CHIC1: variants seen among roughly 807,000 people sequenced by gnomAD.
CHIC1 encodes cysteine rich hydrophobic domain 1.
A neutral mutation model predicts 18.5 loss-of-function variants in CHIC1; 7 were observed. That is an observed-to-expected ratio of 0.38 (90% CI 0.22 to 0.71). The LOEUF is 0.71. Ranked by LOEUF, CHIC1 falls within the 30% of genes least tolerant of loss-of-function variation. The probability of loss-of-function intolerance (pLI) is 0.49; values close to 1 mark genes in which losing one functional copy is unlikely to be tolerated. For missense variants in CHIC1, 159 were observed against 176.9 expected (o/e 0.90, Z 0.57); for synonymous variants, 77 against 73.5 (o/e 1.05, Z -0.25).
chrX:73,623,114 A>G (rs985847179), intron 3 of CHIC1, among the ~76,000 whole-genome samples: 4 of 111,513 alleles, frequency 3.6e-5, no homozygotes, highest in African/African-American at 6.5e-5. Context: ...TATGTGGTCA[A>G]TTTTAGCATA....
chrX:73,653,730 T>C (rs2057929098), intron 3 of CHIC1, among the ~76,000 whole-genome samples: 2 of 112,604 alleles, frequency 1.8e-5, no homozygotes, highest in Admixed American at 1.9e-4. Context: ...GTGCCCTTTT[T>C]AATTTCTTTC....
chrX:73,677,987 G>T (rs2058077478), intron 3 of CHIC1, among the ~76,000 whole-genome samples: 1 of 99,872 alleles, frequency 1.0e-5, no homozygotes, highest in South Asian at 4.3e-4. Context: ...TCCTTTTGGA[G>T]GTTGTTTTTT....
intron 3 of CHIC1, among the ~76,000 whole-genome samples, chrX:73,588,366 T>C (rs754511526): frequency 9.0e-6 from 1 of 111,317 alleles, no homozygotes; most frequent in East Asian, 2.8e-4. Context: ...ATGTACTCTT[T>C]CATGGCTTTT....
chrX:73,667,013 G>C (rs1217324382), intron 3 of CHIC1, among the ~76,000 whole-genome samples: 1 of 111,814 alleles, frequency 8.9e-6, no homozygotes, highest in East Asian at 2.8e-4. Flanking sequence ...CTAAAAACTT[G>C]CTTTATGAAT....
intron 1 of CHIC1, among the ~76,000 whole-genome samples, chrX:73,571,757 G>T (rs915086615): frequency 2.7e-5 from 3 of 110,283 alleles, no homozygotes; most frequent in Admixed American, 9.6e-5. Flanking sequence ...TTATTTACTC[G>T]ACTATTTTAA....
At chrX:73,651,380 G>A (rs1243976052) in intron 3 of CHIC1, among the ~76,000 whole-genome samples, 1 of 110,157 alleles carries the variant, frequency 9.1e-6, no homozygotes, top group African/African-American at 3.3e-5. Context: ...TCTGGCCAGG[G>A]CAATCAGGCA....
chrX:73,609,236 T>C (rs1005174943), intron 3 of CHIC1, among the ~76,000 whole-genome samples: 3 of 108,193 alleles, frequency 2.8e-5, no homozygotes, highest in Non-Finnish European at 5.7e-5. Context: ...CAGTGCTAAA[T>C]TGAATAGAAG....
intron 3 of CHIC1, among the ~76,000 whole-genome samples, chrX:73,598,781 G>A (rs190386381): frequency 2.0e-3 from 224 of 110,519 alleles, no homozygotes; most frequent in African/African-American, 6.9e-3. Context: ...GAATAATGCC[G>A]CAATAAACAT....
At chrX:73,665,037 A>G (rs1470715309) in intron 3 of CHIC1, among the ~76,000 whole-genome samples, 5 of 112,229 alleles carry the variant, frequency 4.5e-5, no homozygotes, top group Admixed American at 3.8e-4. Context: ...ATGGGTTCAT[A>G]TACCTGATTG....
At chrX:73,572,650 C>G (rs868507939) in intron 1 of CHIC1, among the ~76,000 whole-genome samples, 1 of 111,151 alleles carries the variant, frequency 9.0e-6, no homozygotes, top group Non-Finnish European at 1.9e-5. Flanking sequence ...TTAATAATTG[C>G]CATTCTGACT....
intron 3 of CHIC1, among the ~76,000 whole-genome samples, chrX:73,615,453 A>T (rs923394020): frequency 2.7e-5 from 3 of 111,399 alleles, no homozygotes; most frequent in African/African-American, 9.8e-5. Flanking sequence ...TGGCTCCTAA[A>T]ATGTCCACAC....
chrX:73,666,884 G>A (rs955894731), intron 3 of CHIC1, among the ~76,000 whole-genome samples: 1 of 111,789 alleles, frequency 8.9e-6, no homozygotes, highest in Non-Finnish European at 1.9e-5. Context: ...TGATCCAGAG[G>A]TGAGTTTAAG....
chrX:73,679,755 A>G (rs2058088535), intron 5 of CHIC1, 42 bp downstream of exon 5: 2 of 715,837 alleles, frequency 2.8e-6, no homozygotes, highest in African/African-American at 2.2e-5. Context: ...TATTCATTCT[A>G]AATGTACCAT....
chrX:73,677,296 C>T (rs1288383154), intron 3 of CHIC1, among the ~76,000 whole-genome samples: 1 of 112,320 alleles, frequency 8.9e-6, no homozygotes, highest in Non-Finnish European at 1.9e-5. Flanking sequence ...GAGGTTACTG[C>T]TGTCTTTTTG....
At chrX:73,570,637 C>T (rs2057466223) in intron 1 of CHIC1, among the ~76,000 whole-genome samples, 1 of 110,761 alleles carries the variant, frequency 9.0e-6, no homozygotes, top group South Asian at 3.7e-4. Flanking sequence ...CAGAAATTTT[C>T]AGTATACAAT....
chrX:73,643,686 A>C (rs931459307), intron 3 of CHIC1, among the ~76,000 whole-genome samples: 1 of 111,613 alleles, frequency 9.0e-6, no homozygotes, highest in Admixed American at 9.5e-5. Context: ...TGCATTCTTC[A>C]TGTAGTTGTC....
chrX:73,680,182 A>G (rs1257837826), intron 5 of CHIC1, among the ~76,000 whole-genome samples: 1 of 109,315 alleles, frequency 9.1e-6, no homozygotes, highest in Admixed American at 9.8e-5. Flanking sequence ...AAGCTATACA[A>G]TCTTAGTCAT....
At chrX:73,586,268 C>T (rs757950394) in intron 3 of CHIC1, among the ~76,000 whole-genome samples, 8 of 110,905 alleles carry the variant, frequency 7.2e-5, no homozygotes, top group Non-Finnish European at 1.1e-4. Flanking sequence ...ACATTATCTG[C>T]CTTGCTCTGT....
intron 3 of CHIC1, among the ~76,000 whole-genome samples, chrX:73,666,059 T>G (rs1038869581): frequency 1.8e-5 from 2 of 111,829 alleles, no homozygotes; most frequent in Non-Finnish European, 3.8e-5. Context: ...TGTTATATAC[T>G]ATTTGCTCTC....
Sources: allele counts gnomAD v4.1 joint callset (sites outside exome capture counted in the v4.1 genomes callset), GRCh38; gene constraint gnomAD v4.1.1; transcripts MANE v1.5; gene names NCBI Gene and HGNC (gene_info 2026-07-23, HGNC 2026-07-21).